Variants in FHIT observed in about 807,000 individuals in gnomAD.
FHIT encodes the protein fragile histidine triad diadenosine triphosphatase.
In FHIT, 19 loss-of-function variants were observed where a neutral mutation model predicts 17.9. The observed-to-expected ratio is 1.06, with a 90% CI of 0.74 to 1.56. FHIT has a LOEUF of 1.56. FHIT is among the 40% of genes most tolerant of loss of function. The probability of loss-of-function intolerance (pLI) is 0.00; values close to 1 mark genes in which losing one functional copy is unlikely to be tolerated. For synonymous variants in FHIT, 81 were observed against 69.7 expected (o/e 1.16, Z -0.81); for missense variants, 248 against 189.2 (o/e 1.31, Z -1.82).
intron 5 of FHIT, among the ~76,000 whole-genome samples, chr3:60,464,296 C>G (rs2032657981): frequency 6.6e-6 from 1 of 152,076 alleles, no homozygotes; most frequent in African/African-American, 2.4e-5. Context: ...TGCAGGAATA[C>G]AATACATAAT....
intron 4 of FHIT, among the ~76,000 whole-genome samples, chr3:60,783,324 T>C (rs782367541): frequency 6.6e-6 from 1 of 152,154 alleles, no homozygotes; most frequent in African/African-American, 2.4e-5. Context: ...GCTTTTTGCA[T>C]TGAACAACGA....
intron 4 of FHIT, among the ~76,000 whole-genome samples, chr3:60,721,653 T>C (rs187958810): frequency 6.6e-6 from 1 of 152,158 alleles, no homozygotes; most frequent in Non-Finnish European, 1.5e-5. Flanking sequence ...TTCATGAATA[T>C]AAATTTTTCT....
intron 4 of FHIT, among the ~76,000 whole-genome samples, chr3:60,569,744 T>TACATAC (rs1559547632): frequency 3.9e-5 from 3 of 76,188 alleles, no homozygotes; most frequent in East Asian, 4.4e-4. Context: ...TATATATATA[T>TACATAC]ATATATATAT....
chr3:60,740,163 T>C (rs550692962), intron 4 of FHIT, among the ~76,000 whole-genome samples: 25 of 152,328 alleles, frequency 1.6e-4, no homozygotes, highest in Middle Eastern at 3.4e-3. Flanking sequence ...TTTTAGATGT[T>C]TGCTGCAGTT....
At chr3:60,371,746 T>C (rs1033575923) in intron 5 of FHIT, among the ~76,000 whole-genome samples, 8 of 152,078 alleles carry the variant, frequency 5.3e-5, no homozygotes, top group African/African-American at 1.9e-4. Flanking sequence ...GATTTTATGG[T>C]CATTTGCAAA....
At chr3:60,157,769 G>T (rs1227471016) in intron 5 of FHIT, among the ~76,000 whole-genome samples, 1 of 152,142 alleles carries the variant, frequency 6.6e-6, no homozygotes, top group Non-Finnish European at 1.5e-5. Context: ...CAGGATGTTT[G>T]CAGCCACAGG....
chr3:60,230,773 T>C (rs1012064086), intron 5 of FHIT, among the ~76,000 whole-genome samples: 3 of 152,226 alleles, frequency 2.0e-5, no homozygotes, highest in African/African-American at 7.2e-5. Flanking sequence ...TGCAGTGGCA[T>C]GATCTTGGCT....
At chr3:60,102,545 A>T (rs1704237000) in intron 5 of FHIT, among the ~76,000 whole-genome samples, 1 of 152,076 alleles carries the variant, frequency 6.6e-6, no homozygotes, top group Non-Finnish European at 1.5e-5. Flanking sequence ...CACAATCACC[A>T]TCTCCCCAAG....
At chr3:60,921,255 C>A (rs1553768275) in intron 3 of FHIT, among the ~76,000 whole-genome samples, 1 of 152,184 alleles carries the variant, frequency 6.6e-6, no homozygotes, top group East Asian at 1.9e-4. Flanking sequence ...CCACTCCTTT[C>A]ACAAGAATTT....
intron 4 of FHIT, among the ~76,000 whole-genome samples, chr3:60,758,580 G>A (rs774430453): frequency 7.2e-5 from 11 of 152,094 alleles, no homozygotes; most frequent in Admixed American, 6.5e-4. Context: ...ATGGGCGTGC[G>A]GATTCAGAAA....
intron 4 of FHIT, among the ~76,000 whole-genome samples, chr3:60,569,751 A>ATTTT (rs1272456475): frequency 7.9e-4 from 55 of 69,754 alleles, no homozygotes; most frequent in African/African-American, 3.0e-3. Flanking sequence ...ATATATATAT[A>ATTTT]TATATTTTTT....
chr3:60,976,359 G>A (rs1050603919), intron 3 of FHIT, among the ~76,000 whole-genome samples: 1 of 151,634 alleles, frequency 6.6e-6, no homozygotes, highest in Admixed American at 6.6e-5. Flanking sequence ...TGCCCACCTC[G>A]GCCTCCCAAA....
At chr3:60,025,251 C>T (rs1023436527) in intron 5 of FHIT, among the ~76,000 whole-genome samples, 8 of 152,188 alleles carry the variant, frequency 5.3e-5, no homozygotes, top group African/African-American at 1.9e-4. Context: ...GGCTCCAGGG[C>T]TTCTATGAAT....
intron 3 of FHIT, among the ~76,000 whole-genome samples, chr3:60,996,073 T>C (rs921951426): frequency 6.6e-6 from 1 of 152,226 alleles, no homozygotes; most frequent in Non-Finnish European, 1.5e-5. Context: ...TTCTGAACTG[T>C]GATAATTGTG....
chr3:61,001,755 A>G (rs2031101073), intron 3 of FHIT, among the ~76,000 whole-genome samples: 1 of 152,148 alleles, frequency 6.6e-6, no homozygotes, highest in African/African-American at 2.4e-5. Flanking sequence ...ATGAAGCTAC[A>G]CTTATGATAA....
intron 4 of FHIT, among the ~76,000 whole-genome samples, chr3:60,764,684 G>C (rs781827453): frequency 9.9e-5 from 15 of 151,920 alleles, no homozygotes; most frequent in Non-Finnish European, 1.3e-4. Flanking sequence ...GAAATAAAGA[G>C]CAAGGGGGTA....
chr3:60,614,809 G>GTTTTTTTTTTT lies in FHIT; in HGVS notation c.-17-77831_-17-77830insAAAAAAAAAAA, dbSNP rs147892145. 1.5e-4 allele frequency among the ~76,000 whole-genome samples: 12 copies of GTTTTTTTTTTT among 78,232 alleles called. 1 individual carries two copies. Among genetic ancestry groups the GTTTTTTTTTTT allele is most frequent in the Non-Finnish European group, 1.7e-4 (7 of 41,870 alleles). 51.3% of individuals were successfully genotyped at this position (78,232 alleles called of 152,430 possible). On this transcript the variant is annotated intron_variant, in intron 4 of 9. Transcript: ENST00000492590. ...CGATTTGTAAAAAATTGCAAAAGTTGTTTTTTTTTTGTTTTTTTTTTGTTT... is the reference window on the plus strand; with the variant it reads ...CGATTTGTAAAAAATTGCAAAAGTTGTTTTTTTTTTTTTTTTTTTTTGTTTTTTTTTTGTTT...
intron 5 of FHIT, among the ~76,000 whole-genome samples, chr3:60,316,413 GA>G (rs1178027244): frequency 6.6e-6 from 1 of 152,126 alleles, no homozygotes; most frequent in East Asian, 1.9e-4. Flanking sequence ...ATAAACTTAG[GA>G]TAGGTTGAAA....
rs554797279 is a variant in FHIT at position 60,576,567 on chromosome 3, G to T, written c.-17-39588C>A. ...GAAAAGCAACTTTTTGTTTCGAAAGGTCTGTGGTGAAACACAATTCCATGA... is the reference window on the plus strand; with the variant it reads ...GAAAAGCAACTTTTTGTTTCGAAAGTTCTGTGGTGAAACACAATTCCATGA... On this transcript the variant is annotated intron_variant, in intron 4 of 9. Transcript: ENST00000492590. Among the ~76,000 whole-genome samples the T allele has an allele frequency of 7.2e-5, 11 of 152,228 alleles. No homozygotes were observed. In the South Asian group the frequency reaches 1.9e-3, roughly 26 times the overall value.
Sources: allele counts gnomAD v4.1 joint callset (sites outside exome capture counted in the v4.1 genomes callset), GRCh38; gene constraint gnomAD v4.1.1; transcripts MANE v1.5; gene names NCBI Gene and HGNC (gene_info 2026-07-23, HGNC 2026-07-21).